DAB1: variants seen among roughly 807,000 people sequenced by gnomAD.
The protein encoded by DAB1 is DAB adaptor protein 1, also known as disabled homolog 1.
Under a neutral mutation model 64.6 loss-of-function variants are expected in DAB1, and 15 were observed. The observed-to-expected ratio is 0.23, with a 90% CI of 0.16 to 0.36. The LOEUF (loss-of-function observed/expected upper bound fraction) is 0.36. Ranked by LOEUF, DAB1 falls within the 10% of genes least tolerant of loss-of-function variation. The pLI is 1.00. For synonymous variants in DAB1, 235 were observed against 251.9 expected (o/e 0.93, Z 0.64); for missense variants, 596 against 706.7 (o/e 0.84, Z 1.78).
chr1:57,034,466 C>A (rs1344189424), intron 9 of DAB1, among the ~76,000 whole-genome samples: 1 of 152,138 alleles, frequency 6.6e-6, no homozygotes, highest in Non-Finnish European at 1.5e-5. Context: ...CTTTCTCAAG[C>A]AGCTGGTAGA....
chr1:57,695,290 G>GAA (rs1557427615), intron 6 of DAB1, among the ~76,000 whole-genome samples: 1 of 64,700 alleles, frequency 1.5e-5, no homozygotes, highest in Non-Finnish European at 2.9e-5. Context: ...GGAAGAAAGG[G>GAA]AGAGAGAAGG....
chr1:57,863,357 A>G (rs2101945507), intron 1 of DAB1: 1 of 152,322 alleles, frequency 6.6e-6, no homozygotes, highest in East Asian at 1.9e-4. Flanking sequence ...TTTTAAATGT[A>G]GTGATGGTTT....
At chr1:57,370,900 A>G (rs1680443130) in intron 1 of DAB1, among the ~76,000 whole-genome samples, 1 of 152,226 alleles carries the variant, frequency 6.6e-6, no homozygotes, top group South Asian at 2.1e-4. Flanking sequence ...GATTTCAAAT[A>G]CTTTTCAATA....
chr1:57,056,883 C>A (rs546932224), intron 9 of DAB1, among the ~76,000 whole-genome samples: 23 of 151,436 alleles, frequency 1.5e-4, no homozygotes, highest in Non-Finnish European at 2.5e-4. Context: ...AAAAAAAGTT[C>A]GGTAGAAATA....
intron 4 of DAB1, among the ~76,000 whole-genome samples, chr1:57,099,724 T>C (rs1210308094): frequency 6.6e-6 from 1 of 152,232 alleles, no homozygotes; most frequent in Non-Finnish European, 1.5e-5. Flanking sequence ...ATGGTTATTA[T>C]AGACAGTGAG....
intron 7 of DAB1, among the ~76,000 whole-genome samples, chr1:57,460,491 A>T (rs931864519): frequency 3.3e-5 from 5 of 152,140 alleles, no homozygotes; most frequent in African/African-American, 1.2e-4. Context: ...GTGAGCTCTG[A>T]CCTTCATTAA....
chr1:58,094,963 G>A (rs1467007996), intron 5 of DAB1, among the ~76,000 whole-genome samples: 2 of 152,166 alleles, frequency 1.3e-5, no homozygotes, highest in African/African-American at 2.4e-5. Context: ...AACTTTTTCT[G>A]TAAAGGGACT....
intron 6 of DAB1, among the ~76,000 whole-genome samples, chr1:57,700,145 G>A (rs183275556): frequency 8.5e-5 from 13 of 152,050 alleles, no homozygotes; most frequent in Admixed American, 7.2e-4. Context: ...ATTTGAATCC[G>A]ACTCCTTCAC....
chr1:57,291,677 G>T (rs1040928629), intron 1 of DAB1, among the ~76,000 whole-genome samples: 2 of 152,258 alleles, frequency 1.3e-5, no homozygotes, highest in Non-Finnish European at 2.9e-5. Flanking sequence ...GACAAATGGG[G>T]CCAAGAAACA....
intron 4 of DAB1, among the ~76,000 whole-genome samples, chr1:58,340,888 G>T (rs1643923338): frequency 6.6e-6 from 1 of 151,796 alleles, no homozygotes; most frequent in Admixed American, 6.5e-5. Context: ...TTGGTACATA[G>T]GAGGTGCTAG....
At chr1:57,229,918 A>G (rs565101113) in intron 2 of DAB1, among the ~76,000 whole-genome samples, 11 of 152,290 alleles carry the variant, frequency 7.2e-5, no homozygotes, top group South Asian at 4.1e-4. Flanking sequence ...CATCTCCCCA[A>G]TCAACAGTAG....
chr1:58,228,726 A>C, intron 4 of DAB1: 1 of 1,117,766 alleles, frequency 8.9e-7, no homozygotes, highest in Non-Finnish European at 1.3e-6. Flanking sequence ...GACCTTCTGG[A>C]AACTGAGCCA....
intron 4 of DAB1, among the ~76,000 whole-genome samples, chr1:58,294,054 C>T (rs1378133062): frequency 1.3e-5 from 2 of 152,142 alleles, no homozygotes; most frequent in Admixed American, 6.6e-5. Flanking sequence ...ATTTCTCACT[C>T]ATGGCTGGGT....
intron 5 of DAB1, among the ~76,000 whole-genome samples, chr1:57,949,494 T>TCTAC (rs1345940940): frequency 6.6e-6 from 1 of 150,784 alleles, no homozygotes; most frequent in Non-Finnish European, 1.5e-5. Context: ...TATCTATCTA[T>TCTAC]CTATCTATCT....
downstream of DAB1, among the ~76,000 whole-genome samples, chr1:57,822,837 A>G (rs973736696): frequency 6.6e-6 from 1 of 152,226 alleles, no homozygotes; most frequent in African/African-American, 2.4e-5. Flanking sequence ...TGGAATCATT[A>G]TTAAAAAATT....
chr1:58,407,470 G>A (rs1644627261), intron 3 of DAB1, among the ~76,000 whole-genome samples: 1 of 152,184 alleles, frequency 6.6e-6, no homozygotes, highest in Non-Finnish European at 1.5e-5. Flanking sequence ...TATCAGGAAT[G>A]ATTTGCCCCC....
chr1:58,407,973 C>T (rs1385880532), intron 3 of DAB1, among the ~76,000 whole-genome samples: 1 of 152,170 alleles, frequency 6.6e-6, no homozygotes, highest in Non-Finnish European at 1.5e-5. Flanking sequence ...CTACTTGCCT[C>T]CTCACTCACT....
intron 5 of DAB1, chr1:58,074,544 A>C (rs1006141165): frequency 1.2e-5 from 1 of 85,834 alleles, no homozygotes; most frequent in Admixed American, 1.4e-4. Context: ...ATATATATAT[A>C]CACACATATA....
chr1:58,539,817 G>A (rs1386243955), intron 1 of DAB1, among the ~76,000 whole-genome samples: 1 of 152,280 alleles, frequency 6.6e-6, no homozygotes, highest in African/African-American at 2.4e-5. Context: ...AATGCAGACA[G>A]GGTAAACCTA....
Sources: gnomAD v4.1 joint callset for allele counts (sites outside exome capture counted in the v4.1 genomes callset) on GRCh38, gnomAD v4.1.1 for gene constraint, MANE v1.5 for transcripts, NCBI Gene and HGNC (gene_info 2026-07-23, HGNC 2026-07-21) for gene names.